Variants in PDE1C observed in about 807,000 individuals in gnomAD.
PDE1C encodes phosphodiesterase 1C.
In PDE1C, 62 loss-of-function variants were observed where a neutral mutation model predicts 93.1. That is an observed-to-expected ratio of 0.67 (90% CI 0.54 to 0.82). PDE1C has a LOEUF of 0.82. Ranked by LOEUF, PDE1C falls within the 40% of genes least tolerant of loss-of-function variation. The pLI is 0.00. For missense variants in PDE1C, 742 were observed against 884.6 expected, an observed-to-expected ratio of 0.84 and a Z score of 2.04; for synonymous variants, 325 against 310.1, an observed-to-expected ratio of 1.05 and a Z score of -0.50.
At chr7:31,685,960 A>G in the PDE1C span, among the ~76,000 whole-genome samples, 1 of 152,146 alleles carries the variant, frequency 6.6e-6, no homozygotes, top group Admixed American at 6.5e-5. Context: ...CCTCTTGGTG[A>G]GTTTACTATG....
intron 17 of PDE1C, among the ~76,000 whole-genome samples, chr7:31,760,238 T>C (rs561107815): frequency 2.6e-5 from 4 of 152,210 alleles, no homozygotes; most frequent in Non-Finnish European, 5.9e-5. Context: ...CTCAATTTTA[T>C]TTGGCTAAAT....
chr7:32,420,553 CA>C (rs35712470), intron 1 of PDE1C, among the ~76,000 whole-genome samples: 36 of 135,978 alleles, frequency 2.6e-4, no homozygotes, highest in South Asian at 2.5e-4. Context: ...GGCTCCATCT[CA>C]AAAAAAAAAG....
chr7:32,234,440 C>A (rs951969573), intron 1 of PDE1C, among the ~76,000 whole-genome samples: 1 of 151,908 alleles, frequency 6.6e-6, no homozygotes, highest in African/African-American at 2.4e-5. Context: ...AGGGGCTCAA[C>A]ACAGACCCTG....
chr7:31,980,017 T>A (rs982525815), intron 2 of PDE1C, among the ~76,000 whole-genome samples: 10 of 152,268 alleles, frequency 6.6e-5, no homozygotes, highest in African/African-American at 2.4e-4. Flanking sequence ...GGAAAAGGGC[T>A]CCTTTAGCAT....
chr7:32,366,220 A>G (rs1451877629), intron 1 of PDE1C, among the ~76,000 whole-genome samples: 2 of 152,202 alleles, frequency 1.3e-5, no homozygotes, highest in East Asian at 1.9e-4. Context: ...GAAATTCAAC[A>G]AAGAGATAGA....
intron 2 of PDE1C, among the ~76,000 whole-genome samples, chr7:31,929,347 T>A (rs1315968237): frequency 6.6e-6 from 1 of 152,132 alleles, no homozygotes; most frequent in Admixed American, 6.5e-5. Flanking sequence ...TGGGAGACTT[T>A]AACACCCCAC....
intron 2 of PDE1C, among the ~76,000 whole-genome samples, chr7:31,941,086 A>AC (rs1463477686): frequency 6.6e-6 from 1 of 152,072 alleles, no homozygotes; most frequent in Non-Finnish European, 1.5e-5. Context: ...GCAGCTAGCT[A>AC]CCTAAGCTGT....
intron 1 of PDE1C, among the ~76,000 whole-genome samples, chr7:32,315,458 G>C (rs1235090872): frequency 6.6e-6 from 1 of 152,142 alleles, no homozygotes; most frequent in Admixed American, 6.5e-5. Flanking sequence ...ATATTCCAGT[G>C]CTGGGATTAT....
intron 2 of PDE1C, among the ~76,000 whole-genome samples, chr7:31,918,007 T>G (rs190569389): frequency 3.3e-4 from 51 of 152,288 alleles, no homozygotes; most frequent in Admixed American, 1.1e-3. Context: ...CATTTAGTAT[T>G]GAAGGCCATT....
At chr7:31,632,157 C>T in the PDE1C span, among the ~76,000 whole-genome samples, 1 of 152,148 alleles carries the variant, frequency 6.6e-6, no homozygotes, top group African/African-American at 2.4e-5. Flanking sequence ...TTAAAATTAT[C>T]CTTGACAGAG....
At chr7:31,848,172 G>T in intron 8 of PDE1C, 76 bp from the exon 9 acceptor site, 2 of 1,410,534 alleles carry the variant, frequency 1.4e-6, no homozygotes, top group Non-Finnish European at 2.0e-6. Context: ...AGGCTAGAAC[G>T]CACCACCACT....
chr7:31,699,616 T>C, the PDE1C span, among the ~76,000 whole-genome samples: 1 of 152,074 alleles, frequency 6.6e-6, no homozygotes, highest in Non-Finnish European at 1.5e-5. Flanking sequence ...TCTCTTCACT[T>C]TTTTGTGCTT....
At chr7:32,077,891 G>A (rs978418299) in intron 3 of PDE1C, 2 of 985,188 alleles carry the variant, frequency 2.0e-6, no homozygotes, top group Non-Finnish European at 2.4e-6. Flanking sequence ...AAATGAGGTG[G>A]TGAAGGTCCA....
chr7:32,418,139 C>T (rs555052810), intron 1 of PDE1C, among the ~76,000 whole-genome samples: 1 of 152,200 alleles, frequency 6.6e-6, no homozygotes. Flanking sequence ...CAGATGTGAA[C>T]CATCATGCCC....
Position 32,389,500 on chromosome 7 carries a change from A to T in PDE1C, c.310+38322T>A, listed in dbSNP as rs186297133. On this transcript the variant is annotated intron_variant, in intron 1 of 1. Transcript: ENST00000672256. The stretch of plus-strand genomic sequence containing the variant: ...CCAAAGTGCTGGGATAACAGGCATG[A>T]GCCACCACGCCCAGCCTGATAGCTG... Among the ~76,000 whole-genome samples the T allele has an allele frequency of 2.0e-4, 30 of 152,268 alleles. No individual in the cohort carries two copies. The East Asian group carries it at 5.2e-3, about 26-fold the overall frequency.
At chr7:32,080,082 G>C (rs1366958843) in intron 3 of PDE1C, among the ~76,000 whole-genome samples, 2 of 152,184 alleles carry the variant, frequency 1.3e-5, no homozygotes, top group Non-Finnish European at 2.9e-5. Flanking sequence ...TTATTAAGCA[G>C]GGAGAAGCTT....
At chr7:32,077,062 T>A (rs1796398771) in intron 3 of PDE1C, among the ~76,000 whole-genome samples, 1 of 151,896 alleles carries the variant, frequency 6.6e-6, no homozygotes, top group East Asian at 1.9e-4. Context: ...CATGGTGGTG[T>A]AACCCAATCT....
chr7:32,187,608 G>A (rs1430110479), intron 2 of PDE1C, among the ~76,000 whole-genome samples: 1 of 147,458 alleles, frequency 6.8e-6, no homozygotes, highest in African/African-American at 2.7e-5. Context: ...CCTGGTTTTG[G>A]TGCTCAATAC....
chr7:31,781,569 A>T (rs1783413320), intron 16 of PDE1C, among the ~76,000 whole-genome samples: 1 of 152,040 alleles, frequency 6.6e-6, no homozygotes, highest in Non-Finnish European at 1.5e-5. Flanking sequence ...CATTGCCTGA[A>T]GCCTCAGAAC....
Sources: allele counts gnomAD v4.1 joint callset (sites outside exome capture counted in the v4.1 genomes callset), GRCh38; gene constraint gnomAD v4.1.1; transcripts MANE v1.5; gene names NCBI Gene and HGNC (gene_info 2026-07-23, HGNC 2026-07-21).